Variants in DAB1 observed in about 807,000 individuals in gnomAD.
The protein encoded by DAB1 is DAB adaptor protein 1.
DAB1 carries 15 observed loss-of-function variants against 64.6 expected under a neutral mutation model. The observed-to-expected ratio is 0.23, with a 90% CI of 0.16 to 0.36. DAB1 has a LOEUF of 0.36. DAB1 is among the 10% of genes least tolerant of loss of function. The probability of loss-of-function intolerance (pLI) is 1.00; values close to 1 mark genes in which losing one functional copy is unlikely to be tolerated. For synonymous variants in DAB1, 235 were observed against 251.9 expected, an observed-to-expected ratio of 0.93 and a Z score of 0.64; for missense variants, 596 against 706.7, an observed-to-expected ratio of 0.84 and a Z score of 1.78.
At chr1:57,480,415 T>C (rs1644001750) in intron 7 of DAB1, among the ~76,000 whole-genome samples, 1 of 152,178 alleles carries the variant, frequency 6.6e-6, no homozygotes, top group Admixed American at 6.5e-5. Flanking sequence ...AGTAGTATTA[T>C]TATTTTTTCA....
chr1:58,458,475 G>A (rs1645212100), intron 3 of DAB1, among the ~76,000 whole-genome samples: 1 of 152,226 alleles, frequency 6.6e-6, no homozygotes, highest in Admixed American at 6.5e-5. Context: ...AAAGGTACCA[G>A]TATCAAAGCT....
intron 3 of DAB1, among the ~76,000 whole-genome samples, chr1:58,447,267 G>T (rs1411434746): frequency 5.9e-5 from 9 of 152,160 alleles, no homozygotes; most frequent in African/African-American, 2.2e-4. Flanking sequence ...GGCTCCTGAG[G>T]GGATGAAATA....
At position 58,341,745 on chromosome 1, in the gene DAB1, A is replaced by T. The variant is rs528220548; in HGVS notation, n.309+1607T>A. Among the ~76,000 whole-genome samples, 127 of 152,268 alleles carry T rather than the reference A, an allele frequency of 8.3e-4. 1 individual carries two copies. Among genetic ancestry groups the T allele is most frequent in the African/African-American group, 2.8e-3 (118 of 41,552 alleles). On this transcript the variant is annotated intron_variant and non_coding_transcript_variant, in intron 4 of 20. Transcript: ENST00000485760. The stretch of plus-strand genomic sequence containing the variant: ...ACATGATATACTGGAAAGGACTTAG[A>T]ATTAGAGTTAGATGACCCTTACTTT...
At chr1:58,055,002 C>G (rs145570095) in intron 5 of DAB1, among the ~76,000 whole-genome samples, 4 of 152,330 alleles carry the variant, frequency 2.6e-5, no homozygotes, top group Non-Finnish European at 4.4e-5. Context: ...CAAACATTAT[C>G]TTACCTCATA....
intron 1 of DAB1, among the ~76,000 whole-genome samples, chr1:57,375,825 C>G (rs1221862087): frequency 1.3e-5 from 2 of 152,180 alleles, no homozygotes; most frequent in African/African-American, 2.4e-5. Context: ...GCCTGGCAAA[C>G]AGTAGGTATT....
At chr1:57,065,597 C>A (rs1650826534) in intron 8 of DAB1, among the ~76,000 whole-genome samples, 1 of 152,324 alleles carries the variant, frequency 6.6e-6, no homozygotes, top group South Asian at 2.1e-4. Context: ...AATCGCCAAG[C>A]ATTCAGCCCA....
intron 2 of DAB1, among the ~76,000 whole-genome samples, chr1:57,172,060 C>A (rs1661822005): frequency 6.6e-6 from 1 of 152,126 alleles, no homozygotes; most frequent in Admixed American, 6.6e-5. Flanking sequence ...ATCTTGGCAT[C>A]TTCTGGCTTG....
At chr1:57,065,318 T>C (rs61765266) in intron 8 of DAB1, among the ~76,000 whole-genome samples, 1 of 152,208 alleles carries the variant, frequency 6.6e-6, no homozygotes, top group African/African-American at 2.4e-5. Context: ...GCACGTATTA[T>C]GTGTCATGCA....
At chr1:58,363,113 A>T (rs1166636236) in intron 3 of DAB1, among the ~76,000 whole-genome samples, 1 of 152,096 alleles carries the variant, frequency 6.6e-6, no homozygotes, top group African/African-American at 2.4e-5. Context: ...CTGTCCCCTA[A>T]TTACCTCTCA....
Position 57,380,445 on chromosome 1 carries a change from A to T in DAB1, c.-137+43485T>A, listed in dbSNP as rs139541301. On this transcript the variant is annotated intron_variant, in intron 1 of 14. Transcript: ENST00000371236. Reference sequence around the variant, plus strand: ...CAGATACTACTTTGTACTTTTTACCATAGCTAACATCTTTACCTTTAGCTA... The same window carrying T: ...CAGATACTACTTTGTACTTTTTACCTTAGCTAACATCTTTACCTTTAGCTA... Among the ~76,000 whole-genome samples, 804 of 152,336 alleles carry T rather than the reference A, an allele frequency of 5.3e-3. 6 individuals are homozygous for T. Among genetic ancestry groups the T allele is most frequent in the African/African-American group, 0.018 (743 of 41,576 alleles).
chr1:58,408,749 G>A (rs1408536792), intron 3 of DAB1, among the ~76,000 whole-genome samples: 3 of 152,336 alleles, frequency 2.0e-5, no homozygotes, highest in East Asian at 3.9e-4. Flanking sequence ...TTTCTGAGAC[G>A]TGTTCTTGTT....
At chr1:57,510,351 A>G (rs1644392620) in intron 7 of DAB1, among the ~76,000 whole-genome samples, 1 of 151,894 alleles carries the variant, frequency 6.6e-6, no homozygotes, top group Non-Finnish European at 1.5e-5. Context: ...CCTGGCCTCC[A>G]TCTTACTTCA....
intron 5 of DAB1, among the ~76,000 whole-genome samples, chr1:58,024,788 C>T (rs916379762): frequency 6.6e-6 from 1 of 152,214 alleles, no homozygotes; most frequent in South Asian, 2.1e-4. Context: ...GGGCCTCATC[C>T]AATCAGTTGA....
intron 7 of DAB1, among the ~76,000 whole-genome samples, chr1:57,530,008 G>C (rs1644642666): frequency 1.3e-5 from 2 of 151,918 alleles, no homozygotes; most frequent in South Asian, 4.2e-4. Context: ...TGGGTGGTAG[G>C]AAATCAGTGA....
chr1:57,010,086 G>C (rs772619847), intron 14 of DAB1, among the ~76,000 whole-genome samples: 16 of 152,138 alleles, frequency 1.1e-4, no homozygotes, highest in Non-Finnish European at 1.6e-4. Flanking sequence ...CTTATTTCAA[G>C]CACTGCTTGT....
At chr1:58,043,978 G>C (rs1570270300) in intron 5 of DAB1, among the ~76,000 whole-genome samples, 1 of 152,114 alleles carries the variant, frequency 6.6e-6, no homozygotes, top group Admixed American at 6.5e-5. Flanking sequence ...CGCCTGCCTT[G>C]GCCTCTCAAA....
At chr1:57,290,910 A>T (rs778151794) in intron 2 of DAB1, 54 bp downstream of exon 2, 4 of 1,123,878 alleles carry the variant, frequency 3.6e-6, no homozygotes, top group Non-Finnish European at 5.4e-6. Context: ...AGATCTAAAA[A>T]CTCATTCCTG....
intron 3 of DAB1, among the ~76,000 whole-genome samples, chr1:58,361,364 C>T (rs927721851): frequency 5.9e-5 from 9 of 152,212 alleles, no homozygotes; most frequent in African/African-American, 2.2e-4. Flanking sequence ...CAGATTGGAC[C>T]ACTAAGGACC....
At chr1:58,048,336 T>A (rs1647380352) in intron 5 of DAB1, 1 of 1,055,322 alleles carries the variant, frequency 9.5e-7, no homozygotes. Context: ...GAAAACTGAT[T>A]GTTTTAATTG....
Sources: allele counts gnomAD v4.1 joint callset (sites outside exome capture counted in the v4.1 genomes callset), GRCh38; gene constraint gnomAD v4.1.1; transcripts MANE v1.5; gene names NCBI Gene and HGNC (gene_info 2026-07-23, HGNC 2026-07-21).